The following RAPGEF4 variants were observed in gnomAD, a reference collection of about 807,000 sequenced individuals.
The protein encoded by RAPGEF4 is Rap guanine nucleotide exchange factor 4.
A neutral mutation model predicts 147.9 loss-of-function variants in RAPGEF4; 66 were observed. The observed-to-expected ratio is 0.45, with a 90% CI of 0.37 to 0.55. The LOEUF is 0.55. RAPGEF4 is among the 20% of genes least tolerant of loss of function. The probability of loss-of-function intolerance (pLI) is 0.00; values close to 1 mark genes in which losing one functional copy is unlikely to be tolerated. For missense variants in RAPGEF4, 1,071 were observed against 1,257.3 expected, an observed-to-expected ratio of 0.85 and a Z score of 2.24; for synonymous variants, 419 against 442.7, an observed-to-expected ratio of 0.95 and a Z score of 0.67.
In RAPGEF4 at chr2:173,045,770, A is replaced by G. The variant is rs553791446; in HGVS notation, c.2854-2830A>G. Among the ~76,000 whole-genome samples the G allele has an allele frequency of 3.3e-5, 5 of 152,326 alleles. No homozygotes were observed. In the South Asian group the frequency reaches 1.0e-3, roughly 32 times the overall value. ...TATTTTTGGAGGTAATGAGTTACTC[A>G]TTGCTGGATGCATTCAAACAGTGGG... On this transcript the variant is annotated intron_variant, in intron 29 of 30. Coordinates refer to ENST00000397081, the MANE Select transcript of RAPGEF4 (RefSeq NM_007023.4).
intron 26 of RAPGEF4, among the ~76,000 whole-genome samples, chr2:173,031,156 AT>A (rs1178521996): frequency 6.6e-6 from 1 of 152,008 alleles, no homozygotes; most frequent in Non-Finnish European, 1.5e-5. Flanking sequence ...TCTTGCAATG[AT>A]TTTCTTTTTC....
At chr2:173,013,858 G>A (rs1230716700) in intron 17 of RAPGEF4, among the ~76,000 whole-genome samples, 2 of 152,200 alleles carry the variant, frequency 1.3e-5, no homozygotes, top group South Asian at 2.1e-4. Flanking sequence ...AAGATATGGT[G>A]TAAAAATGTG....
At chr2:172,890,301 A>G (rs1039777219) in intron 4 of RAPGEF4, among the ~76,000 whole-genome samples, 9 of 152,254 alleles carry the variant, frequency 5.9e-5, no homozygotes, top group South Asian at 2.1e-4. Flanking sequence ...CATTTCCACA[A>G]TTGTCCTTGG....
intron 16 of RAPGEF4, among the ~76,000 whole-genome samples, chr2:173,000,946 G>T (rs1324611829): frequency 6.7e-6 from 1 of 150,158 alleles, no homozygotes; most frequent in Non-Finnish European, 1.5e-5. Context: ...TCTTCGTTCT[G>T]CATGTATGGT....
At chr2:172,935,407 G>A (rs1559131182) in intron 6 of RAPGEF4, among the ~76,000 whole-genome samples, 1 of 152,138 alleles carries the variant, frequency 6.6e-6, no homozygotes, top group Non-Finnish European at 1.5e-5. Flanking sequence ...CAGTGTAGGT[G>A]GGATACACAG....
intron 26 of RAPGEF4, 127 bp downstream of exon 26, chr2:173,030,381 G>T: frequency 1.4e-6 from 1 of 732,068 alleles, no homozygotes; most frequent in Admixed American, 2.6e-5. Flanking sequence ...GACACTTGGA[G>T]GGAGGTGACC....
intron 1 of RAPGEF4, among the ~76,000 whole-genome samples, chr2:172,758,800 C>A (rs973985948): frequency 1.3e-5 from 2 of 152,096 alleles, no homozygotes; most frequent in Non-Finnish European, 1.5e-5. Flanking sequence ...ACATTCAATT[C>A]TAGATGTTAA....
chr2:172,876,863 T>C lies in RAPGEF4; in HGVS notation c.445-40939T>C, dbSNP rs150001035. 5.9e-3 allele frequency among the ~76,000 whole-genome samples: 897 copies of C among 152,358 alleles called. 3 individuals are homozygous for C. The highest frequency in any genetic ancestry group is 0.01 in the Middle Eastern group (3 of 294). Reference sequence around the variant, plus strand: ...TTGTATGGTAGAATTTGGCTGTGAATCAGTCTGGACCTGGACATTTTTTGG... The same window carrying C: ...TTGTATGGTAGAATTTGGCTGTGAACCAGTCTGGACCTGGACATTTTTTGG... On this transcript the variant is annotated intron_variant, in intron 4 of 30. Transcript: ENST00000397081.
intron 4 of RAPGEF4, among the ~76,000 whole-genome samples, chr2:172,891,816 A>G (rs1443550293): frequency 6.6e-6 from 1 of 152,228 alleles, no homozygotes; most frequent in Non-Finnish European, 1.5e-5. Context: ...AAATACAAAT[A>G]TACTTGAAAG....
chr2:172,993,131 A>C (rs542907368), intron 15 of RAPGEF4, among the ~76,000 whole-genome samples: 1 of 152,198 alleles, frequency 6.6e-6, no homozygotes, highest in South Asian at 2.1e-4. Context: ...AGAATAGTTT[A>C]TGTGCACATT....
At chr2:172,949,695 G>T (rs141662513) in intron 6 of RAPGEF4, among the ~76,000 whole-genome samples, 318 of 152,244 alleles carry the variant, frequency 2.1e-3, no homozygotes, top group African/African-American at 6.5e-3. Flanking sequence ...AATTAACTTA[G>T]TATCATTTAC....
At chr2:172,877,167 T>C (rs372605634) in intron 4 of RAPGEF4, among the ~76,000 whole-genome samples, 2 of 152,154 alleles carry the variant, frequency 1.3e-5, no homozygotes, top group African/African-American at 4.8e-5. Context: ...ATATACACCA[T>C]GGAATACTAT....
intron 30 of RAPGEF4, among the ~76,000 whole-genome samples, chr2:173,050,511 G>A (rs1025612406): frequency 6.6e-6 from 1 of 152,020 alleles, no homozygotes; most frequent in Non-Finnish European, 1.5e-5. Flanking sequence ...GATCTAGCAG[G>A]AGCAACCAGA....
intron 6 of RAPGEF4, among the ~76,000 whole-genome samples, chr2:172,929,865 TG>T (rs1455747279): frequency 6.6e-6 from 1 of 152,224 alleles, no homozygotes; most frequent in Non-Finnish European, 1.5e-5. Context: ...CTCCCAGCTC[TG>T]CCAATTTCTA....
At chr2:172,919,314 C>T (rs1446932599) in intron 5 of RAPGEF4, among the ~76,000 whole-genome samples, 4 of 152,132 alleles carry the variant, frequency 2.6e-5, no homozygotes, top group Non-Finnish European at 4.4e-5. Context: ...TCCTCACCTC[C>T]AGTCACTCTT....
rs1365611497 is a variant in RAPGEF4 at position 173,020,563 on chromosome 2, T to TG, written c.2156-54dup. 4.3e-6 allele frequency: 6 copies of TG among 1,391,612 alleles called. No homozygotes were observed. In the Admixed American group the frequency reaches 1.0e-4, roughly 23 times the overall value. The allele number at this position is 1,391,612 out of a possible 1,614,324, so 86.2% of individuals were successfully genotyped here. On this transcript the variant is annotated intron_variant, in intron 22 of 30. Coordinates refer to ENST00000397081, the MANE Select transcript of RAPGEF4 (RefSeq NM_007023.4). ...CAATTTGTTGGTGTGATTAGGGCAG[T>TG]GCAGCAAATCTCAGATGTATTTAAT...
chr2:173,017,169 C>G lies in RAPGEF4; in HGVS notation c.1899-5C>G. The G allele has an allele frequency of 6.2e-7, 1 of 1,612,768 alleles. No homozygotes were observed. Among genetic ancestry groups the G allele is most frequent in the Non-Finnish European group, 8.5e-7 (1 of 1,178,796 alleles). ...TAAATAATGTGCTTTCTCTACTTCT[C>G]GTAGCTCAGAAGATGCAAAGGCACC... On this transcript the variant is annotated splice_region_variant and splice_polypyrimidine_tract_variant and intron_variant, in intron 19 of 30. Transcript: ENST00000397081.
chr2:172,737,091 A>G (rs1041515821), intron 1 of RAPGEF4, among the ~76,000 whole-genome samples: 11 of 152,228 alleles, frequency 7.2e-5, no homozygotes, highest in African/African-American at 2.7e-4. Flanking sequence ...GCCTTTGTTG[A>G]AAAATATTAA....
intron 3 of RAPGEF4, among the ~76,000 whole-genome samples, chr2:172,807,034 T>C (rs1313626902): frequency 6.6e-6 from 1 of 152,226 alleles, no homozygotes; most frequent in East Asian, 1.9e-4. Context: ...CTGCCATCAT[T>C]GGAAACATTT....
Sources: gnomAD v4.1 joint callset for allele counts (sites outside exome capture counted in the v4.1 genomes callset) on GRCh38, gnomAD v4.1.1 for gene constraint, MANE v1.5 for transcripts, NCBI Gene and HGNC (gene_info 2026-07-23, HGNC 2026-07-21) for gene names.